Variants in ZFP1 observed in about 807,000 individuals in gnomAD.
ZFP1 encodes the protein ZFP1 zinc finger protein, also known as zinc finger protein 1 homolog.
ZFP1 carries 32 observed loss-of-function variants against 38.5 expected under a neutral mutation model. The observed-to-expected ratio is 0.83, with a 90% CI of 0.63 to 1.12. The LOEUF (loss-of-function observed/expected upper bound fraction) is 1.12, where lower values mean the gene tolerates loss of function less well. Ranked by LOEUF, ZFP1 falls within the 50% of genes most tolerant of loss-of-function variation. The probability of loss-of-function intolerance (pLI) is 0.00; values close to 1 mark genes in which losing one functional copy is unlikely to be tolerated. For missense variants in ZFP1, 616 were observed against 480.8 expected (o/e 1.28, Z -2.63); for synonymous variants, 245 against 168.8 (o/e 1.45, Z -3.50).
the ZFP1 span, among the ~76,000 whole-genome samples, chr16:75,132,160 G>A: frequency 6.6e-6 from 1 of 152,082 alleles, no homozygotes; most frequent in Non-Finnish European, 1.5e-5. Flanking sequence ...AGCCAAGGCG[G>A]GGAGATCACT....
chr16:75,141,500 C>T, the ZFP1 span, among the ~76,000 whole-genome samples: 1 of 151,858 alleles, frequency 6.6e-6, no homozygotes, highest in African/African-American at 2.4e-5. Context: ...CCACCGCGCC[C>T]AGCCCAAATT....
chr16:75,131,078 C>T, the ZFP1 span, among the ~76,000 whole-genome samples: 54 of 152,272 alleles, frequency 3.5e-4, no homozygotes, highest in South Asian at 1.4e-3. Flanking sequence ...TCCCTGTGGG[C>T]CTCAAGCTCT....
At chr16:75,148,367 A>G (rs2036984798), upstream of ZFP1, 1 of 152,182 alleles carries the variant, frequency 6.6e-6, no homozygotes, top group Non-Finnish European at 1.5e-5. Flanking sequence ...ACCGCCTAAC[A>G]AGGCGAAGAC....
In ZFP1 at chr16:75,171,263, A is replaced by C. The variant is rs139977955; in HGVS notation, c.*929A>C. 9.8e-5 allele frequency: 15 copies of C among 152,352 alleles called. No homozygotes were observed. Among genetic ancestry groups the C allele is most frequent in the African/African-American group, 3.4e-4 (14 of 41,588 alleles). 9.4% of individuals were successfully genotyped at this position (152,352 alleles called of 1,614,324 possible). ...CTTAATATTTCATGAATTGTCTAGC[A>C]AAAATGGTAGGATGCTTCTGTAGTT... On this transcript the variant is annotated 3_prime_UTR_variant, in exon 4 of 4. Transcript: ENST00000570010.
chr16:75,165,714 G>C (rs181109003), intron 2 of ZFP1, among the ~76,000 whole-genome samples: 1 of 151,890 alleles, frequency 6.6e-6, no homozygotes, highest in Admixed American at 6.6e-5. Context: ...GTTATATGCT[G>C]AGTATTTTTT....
the ZFP1 span, among the ~76,000 whole-genome samples, chr16:75,123,429 A>ATGTGTGTGTGTGTGTGTGTG: frequency 3.2e-4 from 10 of 31,682 alleles, 3 homozygotes; most frequent in East Asian, 2.6e-3. Context: ...ATATATAAGA[A>ATGTGTGTGTGTGTGTGTGTG]TGTGTGTGTG....
At chr16:75,166,642 A>C in intron 2 of ZFP1, 128 bp from the exon 3 acceptor site, 1 of 1,526,622 alleles carries the variant, frequency 6.6e-7, no homozygotes, top group East Asian at 2.3e-5. Flanking sequence ...ACATGAACAA[A>C]AACAGTGAAC....
At chr16:75,156,270 A>G (rs1348467287) in intron 2 of ZFP1, among the ~76,000 whole-genome samples, 1 of 152,196 alleles carries the variant, frequency 6.6e-6, no homozygotes, top group African/African-American at 2.4e-5. Context: ...CCTGGCCAAC[A>G]TGGCGAAACC....
At chr16:75,155,969 G>T (rs1447762975) in intron 2 of ZFP1, among the ~76,000 whole-genome samples, 5 of 152,074 alleles carry the variant, frequency 3.3e-5, no homozygotes, top group African/African-American at 7.2e-5. Flanking sequence ...TCTAAAAGAT[G>T]CATCCGTGGG....
chr16:75,151,596 T>C (rs1335822469), intron 1 of ZFP1, among the ~76,000 whole-genome samples: 3 of 152,230 alleles, frequency 2.0e-5, no homozygotes, highest in African/African-American at 7.2e-5. Context: ...ACTTGGAACA[T>C]TATACTCCCA....
At chr16:75,136,108 G>A in the ZFP1 span, among the ~76,000 whole-genome samples, 2 of 152,318 alleles carry the variant, frequency 1.3e-5, no homozygotes, top group South Asian at 2.1e-4. Flanking sequence ...GAGCCACCAC[G>A]CCCAGCTAAG....
chr16:75,149,751 C>T (rs556052257), intron 1 of ZFP1, among the ~76,000 whole-genome samples: 3 of 151,606 alleles, frequency 2.0e-5, no homozygotes, highest in Non-Finnish European at 4.4e-5. Flanking sequence ...GTAACTGTTC[C>T]TCTAAATACT....
the ZFP1 span, among the ~76,000 whole-genome samples, chr16:75,142,212 A>G: frequency 3.3e-5 from 5 of 151,306 alleles, no homozygotes; most frequent in East Asian, 9.7e-4. Flanking sequence ...AAAAAAAAAA[A>G]AAAAATTAGC....
the ZFP1 span, among the ~76,000 whole-genome samples, chr16:75,134,669 G>A: frequency 6.8e-3 from 1,021 of 149,908 alleles, 7 homozygotes; most frequent in African/African-American, 0.024. Context: ...GGAGAATGGC[G>A]TGAACCGGGA....
At position 75,171,025 on chromosome 16, in the gene ZFP1, A is replaced by G. The variant is rs1363715418; in HGVS notation, c.*691A>G. ...AAGCACTATTTACACAAATATGCAA[A>G]TGTGAAATAACCGATCTATAACGTG... On this transcript the variant is annotated 3_prime_UTR_variant, in exon 4 of 4. Coordinates refer to ENST00000570010, the MANE Select transcript of ZFP1 (RefSeq NM_153688.4). 5.0e-5 allele frequency: 1 copy of G among 19,920 alleles called. No individual in the cohort carries two copies. The highest frequency in any genetic ancestry group is 9.1e-5 in the African/African-American group (1 of 10,998). The allele number at this position is 19,920 out of a possible 1,614,324, so 1.2% of individuals were successfully genotyped here.
the ZFP1 span, among the ~76,000 whole-genome samples, chr16:75,133,125 A>G: frequency 6.6e-6 from 1 of 150,506 alleles, no homozygotes; most frequent in Non-Finnish European, 1.5e-5. Context: ...TTACAGGTGC[A>G]TGCCACCACG....
At chr16:75,134,354 T>A in the ZFP1 span, among the ~76,000 whole-genome samples, 1 of 152,186 alleles carries the variant, frequency 6.6e-6, no homozygotes, top group Non-Finnish European at 1.5e-5. Flanking sequence ...ATTTGGCTTC[T>A]TTGTAATATT....
In ZFP1 at chr16:75,162,294, AT is replaced by A. The variant is rs951509120; in HGVS notation, c.16-4465del. On this transcript the variant is annotated intron_variant, in intron 2 of 3. Transcript: ENST00000570010. ...GGCACCATCAAGCTGGGCTTTTTGT[AT>A]TTTTTTTTTTAGAGATGGGGGTCTC... 7.1e-3 allele frequency among the ~76,000 whole-genome samples: 1,009 copies of A among 141,420 alleles called. 6 individuals carry two copies. Among genetic ancestry groups the A allele is most frequent in the African/African-American group, 0.018 (707 of 38,648 alleles). 92.8% of individuals were successfully genotyped at this position (141,420 alleles called of 152,430 possible). A position where few individuals can be genotyped will look rare whatever the true frequency, so the allele number is the denominator to read the frequency against.
the ZFP1 span, among the ~76,000 whole-genome samples, chr16:75,122,710 A>G: frequency 2.0e-5 from 3 of 152,268 alleles, no homozygotes; most frequent in Non-Finnish European, 4.4e-5. Context: ...AGTCCGGTCT[A>G]TAGGCAATAG....
Sources: allele counts gnomAD v4.1 joint callset (sites outside exome capture counted in the v4.1 genomes callset), GRCh38; gene constraint gnomAD v4.1.1; transcripts MANE v1.5; gene names NCBI Gene and HGNC (gene_info 2026-07-23, HGNC 2026-07-21).